The following VAV2 variants were observed in gnomAD, a reference collection of about 807,000 sequenced individuals.
The protein encoded by VAV2 is guanine nucleotide exchange factor VAV2.
A neutral mutation model predicts 132.5 loss-of-function variants in VAV2; 67 were observed. The observed-to-expected ratio is 0.51, with a 90% CI of 0.42 to 0.62. The LOEUF (loss-of-function observed/expected upper bound fraction) is 0.62, where lower values mean the gene tolerates loss of function less well. VAV2 is among the 20% of genes least tolerant of loss of function. The pLI, the probability that VAV2 is intolerant of heterozygous loss-of-function variation, is 0.00. For synonymous variants in VAV2, 492 were observed against 443.5 expected (o/e 1.11, Z -1.37); for missense variants, 938 against 1,153.6 (o/e 0.81, Z 2.71).
chr9:133,772,085 G>A, intron 25 of VAV2, 39 bp from the exon 26 acceptor site: 1 of 1,574,016 alleles, frequency 6.4e-7, no homozygotes, highest in African/African-American at 1.3e-5. Flanking sequence ...CCGCGTGAGG[G>A]CCACACGGCC....
At position 133,834,223 on chromosome 9, in the gene VAV2, T is replaced by C. The variant is rs1457972509; in HGVS notation, c.449+49A>G. Reference sequence around the variant, plus strand: ...GACTCCCTGGACACCACCAGGAACCTCCCTGCCCCTCCCTCCTCTCCATCC... The same window carrying C: ...GACTCCCTGGACACCACCAGGAACCCCCCTGCCCCTCCCTCCTCTCCATCC... On this transcript the variant is annotated intron_variant, in intron 4 of 29. Coordinates refer to ENST00000371850, the MANE Select transcript of VAV2 (RefSeq NM_001134398.2). This position sits in a 1 kb window ranked among gnomAD's most constrained non-coding sequence, Gnocchi z 5.9. The C allele has an allele frequency of 6.4e-7, 1 of 1,566,372 alleles. No individual in the cohort carries two copies. The highest frequency in any genetic ancestry group is 1.8e-5 in the Admixed American group (1 of 54,292).
intron 2 of VAV2, among the ~76,000 whole-genome samples, chr9:133,920,163 C>T (rs539373355): frequency 6.6e-6 from 1 of 152,192 alleles, no homozygotes; most frequent in Non-Finnish European, 1.5e-5. Flanking sequence ...AGGGATCTGC[C>T]ATCAAAGGCA....
chr9:133,904,107 T>C (rs13296208), intron 2 of VAV2, among the ~76,000 whole-genome samples: 58,565 of 151,706 alleles, frequency 0.39, 11,428 homozygotes, highest in African/African-American at 0.45. Flanking sequence ...CCTATCCGGG[T>C]AAATTCTGTG....
At chr9:133,964,072 T>TAC (rs1564507886) in intron 1 of VAV2, among the ~76,000 whole-genome samples, 7 of 132,932 alleles carry the variant, frequency 5.3e-5, no homozygotes, top group African/African-American at 1.6e-4. Context: ...TATATATAAA[T>TAC]GAATAGGCCA....
At chr9:133,767,778 A>G (rs1833484742) in intron 29 of VAV2, among the ~76,000 whole-genome samples, 2 of 152,248 alleles carry the variant, frequency 1.3e-5, no homozygotes, top group Non-Finnish European at 1.5e-5. Context: ...TGCAGCTTGC[A>G]GCTCACAGAG....
Position 133,811,713 on chromosome 9 carries a change from G to T in VAV2, c.552+401C>A, listed in dbSNP as rs144288712. On this transcript the variant is annotated intron_variant, in intron 5 of 29. Transcript: ENST00000371850. ...CATTCTCCACACAAAGGGGGAAAATGACGCGTGCTGTTAGACCATGCGCCA... is the reference window on the plus strand; with the variant it reads ...CATTCTCCACACAAAGGGGGAAAATTACGCGTGCTGTTAGACCATGCGCCA... 4.6e-3 allele frequency among the ~76,000 whole-genome samples: 707 copies of T among 152,360 alleles called. 3 individuals are homozygous for T. Among genetic ancestry groups the T allele is most frequent in the African/African-American group, 0.015 (639 of 41,586 alleles).
At chr9:133,821,485 T>A (rs573989335) in intron 4 of VAV2, among the ~76,000 whole-genome samples, 1 of 152,278 alleles carries the variant, frequency 6.6e-6, no homozygotes, top group African/African-American at 2.4e-5. Flanking sequence ...GGATCAGCCA[T>A]CATGTACAAG....
intron 1 of VAV2, among the ~76,000 whole-genome samples, chr9:133,986,718 G>C (rs73662365): frequency 6.6e-6 from 1 of 152,222 alleles, no homozygotes; most frequent in African/African-American, 2.4e-5. Context: ...CCCAAAAAAA[G>C]AAAAGACGCC....
chr9:133,811,722 T>C (rs768431473), intron 5 of VAV2, among the ~76,000 whole-genome samples: 1 of 152,238 alleles, frequency 6.6e-6, no homozygotes, highest in South Asian at 2.1e-4. Context: ...TGACGCGTGC[T>C]GTTAGACCAT....
At chr9:133,870,679 CGGTGGGTGGGTGGATGGATAAGTG>C (rs997006247) in intron 2 of VAV2, among the ~76,000 whole-genome samples, 1 of 147,930 alleles carries the variant, frequency 6.8e-6, no homozygotes, top group Non-Finnish European at 1.5e-5. Context: ...ATGGATAAGT[CGGTGGGTGGGTGGATGGATAAGTG>C]GGTGGGTGGG....
At chr9:133,830,762 G>A (rs1836232237) in intron 4 of VAV2, among the ~76,000 whole-genome samples, 1 of 152,180 alleles carries the variant, frequency 6.6e-6, no homozygotes, top group African/African-American at 2.4e-5. Context: ...GCATGCGCTT[G>A]TGTCTTGTAA....
At chr9:133,901,961 A>G (rs1839460969) in intron 2 of VAV2, among the ~76,000 whole-genome samples, 1 of 151,980 alleles carries the variant, frequency 6.6e-6, no homozygotes, top group South Asian at 2.1e-4. Flanking sequence ...TCCTCCTACC[A>G]CACATCTCTG....
At chr9:133,968,899 C>G (rs1418695184) in intron 1 of VAV2, among the ~76,000 whole-genome samples, 1 of 152,200 alleles carries the variant, frequency 6.6e-6, no homozygotes, top group African/African-American at 2.4e-5. Flanking sequence ...CACTGAGAAC[C>G]ACCACGAGGC....
chr9:133,850,488 G>T (rs1441788990), intron 3 of VAV2, among the ~76,000 whole-genome samples: 4 of 152,200 alleles, frequency 2.6e-5, no homozygotes, highest in Non-Finnish European at 5.9e-5. Flanking sequence ...GGGAATGAGG[G>T]AACAAACAAA....
chr9:133,914,769 G>GGAGGA (rs1840008107), intron 2 of VAV2, among the ~76,000 whole-genome samples: 1 of 2,192 alleles, frequency 4.6e-4, no homozygotes, highest in African/African-American at 6.9e-4. Context: ...GAGGAGGGGA[G>GGAGGA]GAGGGGACGG....
intron 26 of VAV2, among the ~76,000 whole-genome samples, chr9:133,771,197 G>A (rs1833613844): frequency 6.6e-6 from 1 of 151,998 alleles, no homozygotes; most frequent in African/African-American, 2.4e-5. Context: ...CCAAGTAGGG[G>A]GGACTACAGG....
rs749373798 is a variant in VAV2 at position 133,789,183 on chromosome 9, T to C, written c.1274+75A>G. 6 of 1,522,692 alleles carry C rather than the reference T, an allele frequency of 3.9e-6. No individual in the cohort carries two copies. The Admixed American group carries it at 8.7e-5, about 22-fold the overall frequency. The allele number at this position is 1,522,692 out of a possible 1,614,324, so 94.3% of individuals were successfully genotyped here. A position where few individuals can be genotyped will look rare whatever the true frequency, so the allele number is the denominator to read the frequency against. ...GGAAGGCCTGGCTTCCAGAGCCACT[T>C]AGGAGTGGCTCCCTGGGAGGGAGAG... On this transcript the variant is annotated intron_variant, in intron 14 of 29. Coordinates refer to ENST00000371850, the MANE Select transcript of VAV2 (RefSeq NM_001134398.2).
chr9:133,911,391 G>A (rs941384921), intron 2 of VAV2, among the ~76,000 whole-genome samples: 4 of 152,130 alleles, frequency 2.6e-5, no homozygotes, highest in African/African-American at 4.8e-5. Context: ...AGACCTTGAC[G>A]TTCAACTGCA....
chr9:133,873,870 C>T (rs1421551632), intron 2 of VAV2, among the ~76,000 whole-genome samples: 1 of 152,240 alleles, frequency 6.6e-6, no homozygotes, highest in African/African-American at 2.4e-5. Flanking sequence ...AGGCAGGGCC[C>T]AGCCTAGAAC....
Sources: allele counts gnomAD v4.1 joint callset (sites outside exome capture counted in the v4.1 genomes callset), GRCh38; gene constraint gnomAD v4.1.1; non-coding constraint Gnocchi (gnomAD v3.1); transcripts MANE v1.5; gene names NCBI Gene and HGNC (gene_info 2026-07-23, HGNC 2026-07-21).